RALY: variants seen among roughly 807,000 people sequenced by gnomAD.
The protein encoded by RALY is RNA-binding protein Raly.
Under a neutral mutation model 30.7 loss-of-function variants are expected in RALY, and 15 were observed. The observed-to-expected ratio is 0.49, with a 90% confidence interval of 0.33 to 0.75. The LOEUF (loss-of-function observed/expected upper bound fraction) is 0.75, where lower values mean the gene tolerates loss of function less well. Among genes scored for constraint, RALY ranks in the 30% least tolerant of loss-of-function variants. RALY has a pLI of 0.02. For missense variants in RALY, 339 were observed against 414.3 expected (o/e 0.82, Z 1.58); for synonymous variants, 177 against 170.8 (o/e 1.04, Z -0.28).
intron 2 of RALY, among the ~76,000 whole-genome samples, chr20:34,036,026 A>G (rs536824926): frequency 9.2e-5 from 14 of 152,284 alleles, no homozygotes; most frequent in Admixed American, 3.9e-4. Context: ...AGATAGGAAT[A>G]TGGAGAAGTC....
chr20:33,994,137 T>TG lies in RALY; in HGVS notation c.-93+10dup, dbSNP rs1380186090. The TG allele has an allele frequency of 6.6e-6, 1 of 152,190 alleles. No individual in the cohort carries two copies. Among genetic ancestry groups the TG allele is most frequent in the Non-Finnish European group, 1.5e-5 (1 of 68,058 alleles). The allele number at this position is 152,190 out of a possible 1,614,324, so 9.4% of individuals were successfully genotyped here. ...CTCCAGACCTCTCGGCGCGGGTGAG[T>TG]GGGGACTGCGGGCGTCTCCTTAGGG... On this transcript the variant is annotated splice_region_variant and intron_variant, in intron 1 of 9. Transcript: ENST00000246194.
At chr20:34,035,920 C>T (rs1321391773) in intron 2 of RALY, among the ~76,000 whole-genome samples, 1 of 152,068 alleles carries the variant, frequency 6.6e-6, no homozygotes, top group Non-Finnish European at 1.5e-5. Context: ...CTATGTGTAT[C>T]TTTGGGGGAA....
chr20:34,017,137 T>C (rs1264705870), intron 1 of RALY, among the ~76,000 whole-genome samples: 3 of 20,342 alleles, frequency 1.5e-4, no homozygotes, highest in Admixed American at 1.3e-3. Context: ...TCTTACCTAA[T>C]GTGATGCTAG....
chr20:34,057,860 A>G (rs1416193339), intron 2 of RALY, among the ~76,000 whole-genome samples: 1 of 152,142 alleles, frequency 6.6e-6, no homozygotes, highest in African/African-American at 2.4e-5. Flanking sequence ...GGGGAAATGT[A>G]TATGCCTAAT....
At chr20:34,032,291 T>C (rs2032314104) in intron 2 of RALY, among the ~76,000 whole-genome samples, 1 of 152,168 alleles carries the variant, frequency 6.6e-6, no homozygotes, top group Non-Finnish European at 1.5e-5. Flanking sequence ...CTTTAGTTTT[T>C]ACTGTGATCT....
At chr20:34,028,049 T>C (rs1462468797) in intron 1 of RALY, among the ~76,000 whole-genome samples, 1 of 152,106 alleles carries the variant, frequency 6.6e-6, no homozygotes, top group Non-Finnish European at 1.5e-5. Flanking sequence ...CCCAGCACTT[T>C]GGGAGGCCAA....
At chr20:34,042,723 T>TA (rs754727733) in intron 2 of RALY, among the ~76,000 whole-genome samples, 27 of 152,376 alleles carry the variant, frequency 1.8e-4, no homozygotes, top group Non-Finnish European at 4.0e-4. Context: ...GTTAGTACCC[T>TA]AATGAAAATA....
chr20:34,010,531 C>A (rs921665685), intron 1 of RALY, among the ~76,000 whole-genome samples: 1 of 152,190 alleles, frequency 6.6e-6, no homozygotes, highest in Non-Finnish European at 1.5e-5. Context: ...GCCACTGCAC[C>A]AGGCCTGAAA....
At chr20:34,077,452 C>A in intron 8 of RALY, 2 of 1,170,854 alleles carry the variant, frequency 1.7e-6, no homozygotes, top group South Asian at 1.6e-5. Context: ...CCCACTGAGG[C>A]CTAGGGCAGA....
At chr20:34,012,272 G>A (rs1277114823) in intron 1 of RALY, among the ~76,000 whole-genome samples, 1 of 152,100 alleles carries the variant, frequency 6.6e-6, no homozygotes, top group African/African-American at 2.4e-5. Flanking sequence ...GAAGGTTGCC[G>A]TGGCAGGTGG....
At chr20:34,078,360 C>T (rs954457983) in intron 8 of RALY, 145 bp from the exon 9 acceptor site, 6 of 627,756 alleles carry the variant, frequency 9.6e-6, no homozygotes, top group Non-Finnish European at 1.4e-5. Flanking sequence ...GTCCCATAGT[C>T]ATTCCCCTTG....
chr20:34,043,185 C>G (rs561463973), intron 2 of RALY, among the ~76,000 whole-genome samples: 1 of 152,304 alleles, frequency 6.6e-6, no homozygotes, highest in Non-Finnish European at 1.5e-5. Flanking sequence ...CCTAGACTTG[C>G]TTCTTTTTCT....
intron 1 of RALY, among the ~76,000 whole-genome samples, chr20:34,012,244 TATC>T (rs952488563): frequency 1.2e-4 from 18 of 152,242 alleles, no homozygotes; most frequent in African/African-American, 4.1e-4. Flanking sequence ...GGTGCAGCCC[TATC>T]ATCATGAGGT....
chr20:34,018,996 A>ACAGT (rs2031714190), intron 1 of RALY, among the ~76,000 whole-genome samples: 1 of 152,114 alleles, frequency 6.6e-6, no homozygotes, highest in Admixed American at 6.5e-5. Flanking sequence ...TATTTAGGAT[A>ACAGT]CAGTTTGAGC....
chr20:34,078,521 CAG>C lies in RALY; in HGVS notation c.895_896del (p.Asp299ArgfsTer3). The C allele has an allele frequency of 1.9e-6, 3 of 1,587,998 alleles. No homozygotes were observed. Among genetic ancestry groups the C allele is most frequent in the Non-Finnish European group, 1.7e-6 (2 of 1,167,006 alleles). The stretch of plus-strand genomic sequence containing the variant: ...CCCTATCAGGAACACAGCCAGGACA[CAG>C]ACGCGGATGATGGGGCCTTGCAGTA... On this transcript the variant is annotated frameshift_variant, in exon 9 of 10. Coordinates refer to ENST00000246194, the MANE Select transcript of RALY (RefSeq NM_016732.3). LOFTEE classifies it high-confidence loss of function.
At chr20:34,029,119 T>C (rs1369418227) in intron 1 of RALY, among the ~76,000 whole-genome samples, 1 of 152,084 alleles carries the variant, frequency 6.6e-6, no homozygotes, top group Non-Finnish European at 1.5e-5. Context: ...TCAAGAAATA[T>C]GCCAGCAGTG....
At chr20:34,006,765 A>G (rs1386623087) in intron 1 of RALY, among the ~76,000 whole-genome samples, 2 of 152,226 alleles carry the variant, frequency 1.3e-5, no homozygotes, top group African/African-American at 2.4e-5. Flanking sequence ...AGCCTATGCT[A>G]TATAGTCTAG....
intron 2 of RALY, among the ~76,000 whole-genome samples, chr20:34,065,563 A>C (rs757140898): frequency 1.6e-4 from 25 of 152,206 alleles, no homozygotes; most frequent in Admixed American, 7.2e-4. Context: ...TCATTTGGGC[A>C]CTGCTAATGA....
chr20:34,018,553 A>G (rs2031694167), intron 1 of RALY, among the ~76,000 whole-genome samples: 1 of 152,202 alleles, frequency 6.6e-6, no homozygotes, highest in African/African-American at 2.4e-5. Flanking sequence ...TAATTACCCT[A>G]ATTAAAACTT....
Sources: gnomAD v4.1 joint callset for allele counts (sites outside exome capture counted in the v4.1 genomes callset) on GRCh38, gnomAD v4.1.1 for gene constraint, MANE v1.5 for transcripts, NCBI Gene and HGNC (gene_info 2026-07-23, HGNC 2026-07-21) for gene names.